RBFOX1: variants seen among roughly 807,000 people sequenced by gnomAD.
RBFOX1 encodes the protein RNA binding protein fox-1 homolog 1.
Under a neutral mutation model 57.7 loss-of-function variants are expected in RBFOX1, and 8 were observed. The observed-to-expected ratio is 0.14, with a 90% CI of 0.08 to 0.25. RBFOX1 has a LOEUF of 0.25. Among genes scored for constraint, RBFOX1 ranks in the 10% least tolerant of loss-of-function variants. RBFOX1 has a pLI of 1.00. For synonymous variants in RBFOX1, 326 were observed against 222.4 expected, an observed-to-expected ratio of 1.47 and a Z score of -4.15; for missense variants, 611 against 548.5, an observed-to-expected ratio of 1.11 and a Z score of -1.14.
At chr16:7,197,202 T>C (rs1222553913) in intron 4 of RBFOX1, among the ~76,000 whole-genome samples, 1 of 152,142 alleles carries the variant, frequency 6.6e-6, no homozygotes, top group African/African-American at 2.4e-5. Context: ...ATGTGGCTCT[T>C]CCAAGCCTCC....
At chr16:7,410,745 G>T (rs991593787) in intron 4 of RBFOX1, among the ~76,000 whole-genome samples, 2 of 151,982 alleles carry the variant, frequency 1.3e-5, no homozygotes, top group East Asian at 3.9e-4. Context: ...CTCCTCTCTT[G>T]GTTGGATAAC....
chr16:6,417,205 T>G (rs2152982611), intron 2 of RBFOX1, among the ~76,000 whole-genome samples: 1 of 151,666 alleles, frequency 6.6e-6, no homozygotes, highest in Admixed American at 6.6e-5. Context: ...AGAGATGGGG[T>G]TTCACCATGT....
intron 3 of RBFOX1, among the ~76,000 whole-genome samples, chr16:6,711,979 A>G (rs907318676): frequency 6.6e-6 from 1 of 152,114 alleles, no homozygotes; most frequent in Non-Finnish European, 1.5e-5. Flanking sequence ...CATTTTGTAT[A>G]GTATACGTTT....
intron 3 of RBFOX1, among the ~76,000 whole-genome samples, chr16:6,834,435 G>T (rs1397953234): frequency 6.6e-6 from 1 of 152,110 alleles, no homozygotes; most frequent in Non-Finnish European, 1.5e-5. Context: ...ACTTGTTTGG[G>T]AGGGGAAGCG....
intron 3 of RBFOX1, among the ~76,000 whole-genome samples, chr16:6,842,364 C>A (rs891348372): frequency 6.6e-6 from 1 of 151,996 alleles, no homozygotes; most frequent in Non-Finnish European, 1.5e-5. Context: ...ACTTTGTGCA[C>A]ATATAGAGAA....
chr16:6,585,083 C>A (rs543739874), intron 2 of RBFOX1, among the ~76,000 whole-genome samples: 70 of 152,292 alleles, frequency 4.6e-4, no homozygotes, highest in African/African-American at 1.5e-3. Flanking sequence ...AGCTTGGCAT[C>A]TCTGTGCACT....
intron 1 of RBFOX1, among the ~76,000 whole-genome samples, chr16:6,106,556 A>T (rs2096382062): frequency 6.6e-6 from 1 of 152,024 alleles, no homozygotes; most frequent in Non-Finnish European, 1.5e-5. Flanking sequence ...ACCTTCAATG[A>T]GACGGTCATG....
intron 3 of RBFOX1, among the ~76,000 whole-genome samples, chr16:6,944,774 G>C (rs1448954925): frequency 6.6e-6 from 1 of 152,128 alleles, no homozygotes; most frequent in African/African-American, 2.4e-5. Context: ...CCTCATATGG[G>C]TGTATCTCAT....
At chr16:7,679,667 T>C (rs946686197) in intron 14 of RBFOX1, among the ~76,000 whole-genome samples, 4 of 152,010 alleles carry the variant, frequency 2.6e-5, no homozygotes, top group Non-Finnish European at 4.4e-5. Flanking sequence ...TTGAAAAATA[T>C]TGAACTCCAG....
intron 1 of RBFOX1, among the ~76,000 whole-genome samples, chr16:5,398,360 T>C (rs1385829404): frequency 6.6e-6 from 1 of 151,986 alleles, no homozygotes; most frequent in African/African-American, 2.4e-5. Context: ...TGAGCACCTG[T>C]TTTAGTGTGC....
intron 2 of RBFOX1, among the ~76,000 whole-genome samples, chr16:6,612,049 T>C (rs2098066146): frequency 1.3e-5 from 2 of 152,180 alleles, no homozygotes; most frequent in South Asian, 4.1e-4. Context: ...ATAGTTCCTG[T>C]TTCTTGCATT....
chr16:5,334,337 C>G (rs541487736), intron 1 of RBFOX1, among the ~76,000 whole-genome samples: 2 of 152,230 alleles, frequency 1.3e-5, no homozygotes, highest in African/African-American at 4.8e-5. Flanking sequence ...GGCTGATGCC[C>G]TTTGGGTTGG....
At chr16:6,770,118 A>G (rs933654410) in intron 3 of RBFOX1, among the ~76,000 whole-genome samples, 5 of 152,254 alleles carry the variant, frequency 3.3e-5, no homozygotes, top group East Asian at 1.9e-4. Flanking sequence ...AGGAACTTGT[A>G]TTAAGCAGAA....
intron 4 of RBFOX1, among the ~76,000 whole-genome samples, chr16:7,470,163 T>C (rs989814860): frequency 1.3e-5 from 2 of 152,326 alleles, no homozygotes; most frequent in South Asian, 2.1e-4. Context: ...CCTTTCTTAA[T>C]CTGACTGTAT....
intron 3 of RBFOX1, among the ~76,000 whole-genome samples, chr16:6,702,863 C>G (rs2062068909): frequency 6.6e-6 from 1 of 152,228 alleles, no homozygotes; most frequent in Admixed American, 6.5e-5. Context: ...TCACCACCAT[C>G]TGTCTCCAGA....
intron 1 of RBFOX1, among the ~76,000 whole-genome samples, chr16:5,356,261 C>G (rs1447521473): frequency 6.6e-6 from 1 of 152,120 alleles, no homozygotes; most frequent in East Asian, 1.9e-4. Context: ...CTCAGAGCCT[C>G]CAGAAGGAAT....
At chr16:7,072,179 T>G (rs925212676) in intron 4 of RBFOX1, among the ~76,000 whole-genome samples, 4 of 152,220 alleles carry the variant, frequency 2.6e-5, no homozygotes, top group African/African-American at 9.7e-5. Flanking sequence ...AATAGCACTT[T>G]CTTCTTTCCC....
At chr16:7,677,717 G>C (rs1434072418) in intron 14 of RBFOX1, among the ~76,000 whole-genome samples, 1 of 152,200 alleles carries the variant, frequency 6.6e-6, no homozygotes, top group Non-Finnish European at 1.5e-5. Flanking sequence ...AAATGTCATT[G>C]AGGGTGCTTA....
chr16:5,734,068 G>A (rs1246135984), intron 3 of RBFOX1, among the ~76,000 whole-genome samples: 1 of 152,046 alleles, frequency 6.6e-6, no homozygotes, highest in African/African-American at 2.4e-5. Context: ...ACTTTCCCAG[G>A]GTGTTTATGG....
Sources: allele counts gnomAD v4.1 joint callset (sites outside exome capture counted in the v4.1 genomes callset), GRCh38; gene constraint gnomAD v4.1.1; transcripts MANE v1.5; gene names NCBI Gene and HGNC (gene_info 2026-07-23, HGNC 2026-07-21).